CD33: variants seen among roughly 807,000 people sequenced by gnomAD.
The protein encoded by CD33 is myeloid cell surface antigen CD33.
CD33 carries 25 observed loss-of-function variants against 31.4 expected under a neutral mutation model. The observed-to-expected ratio is 0.80, with a 90% CI of 0.58 to 1.11. The LOEUF (loss-of-function observed/expected upper bound fraction) is 1.11, where lower values mean the gene tolerates loss of function less well. Ranked by LOEUF, CD33 falls within the 50% of genes most tolerant of loss-of-function variation. CD33 has a pLI of 0.00. For missense variants in CD33, 407 were observed against 448.1 expected, an observed-to-expected ratio of 0.91 and a Z score of 0.83; for synonymous variants, 176 against 180.6, an observed-to-expected ratio of 0.97 and a Z score of 0.20.
rs1330441424 is a variant in CD33 at position 51,235,598 on chromosome 19, G to A, written c.846G>A (p.Val282=). The change falls in exon 6 of 7, where the codon GTG becomes GTA. Residue 282 remains valine, a synonymous_variant. Coordinates refer to ENST00000262262, the MANE Select transcript of CD33 (RefSeq NM_001772.4). Reference sequence around the variant, plus strand: ...AGACCCTGGTGTCTCCCATCAGAGTGAAGACCCACAGGAGGAAAGCAGCCA... The same window carrying A: ...AGACCCTGGTGTCTCCCATCAGAGTAAAGACCCACAGGAGGAAAGCAGCCA... ...ALCLCLIFFI[V]KTHRRKAART... is the part of the protein sequence containing the mutation. 5 of 1,613,598 alleles carry A rather than the reference G, an allele frequency of 3.1e-6. No homozygotes were observed. Among genetic ancestry groups the A allele is most frequent in the Middle Eastern group, 3.3e-4 (2 of 6,060 alleles).
rs754271084 is a variant in CD33, at chr19:51,239,713, A to G, written c.*25A>G. Reference sequence around the variant, plus strand: ...AGGAACCCACAAGAGCATCAGGCTCAGCTAGAAGATCCACATCCTCTACAG... The same window carrying G: ...AGGAACCCACAAGAGCATCAGGCTCGGCTAGAAGATCCACATCCTCTACAG... On this transcript the variant is annotated 3_prime_UTR_variant, in exon 7 of 7. Transcript: ENST00000262262. 1 of 1,588,132 alleles carries G rather than the reference A, an allele frequency of 6.3e-7. No individual in the cohort carries two copies. Among genetic ancestry groups the G allele is most frequent in the Non-Finnish European group, 8.6e-7 (1 of 1,166,786 alleles).
the CD33 span, among the ~76,000 whole-genome samples, chr19:51,212,361 A>G: frequency 6.6e-6 from 1 of 152,088 alleles, no homozygotes; most frequent in Non-Finnish European, 1.5e-5. Context: ...CACAGGTAGG[A>G]TAGAAACTCC....
At chr19:51,211,966 C>T in the CD33 span, 22 of 1,235,516 alleles carry the variant, frequency 1.8e-5, no homozygotes, top group Middle Eastern at 1.9e-4. Context: ...TCAGTGCTCA[C>T]GATCATCCCA....
chr19:51,224,279 T>G (rs898766703), upstream of CD33, among the ~76,000 whole-genome samples: 3 of 152,204 alleles, frequency 2.0e-5, no homozygotes, highest in Non-Finnish European at 2.9e-5. Flanking sequence ...CCACTGAGTC[T>G]GCTTTTAGCT....
intron 4 of CD33, among the ~76,000 whole-genome samples, chr19:51,234,082 C>T (rs1181798507): frequency 3.3e-5 from 5 of 151,956 alleles, no homozygotes; most frequent in African/African-American, 1.2e-4. Flanking sequence ...TTTTGTTTCA[C>T]AGCAAAATTG....
At chr19:51,214,153 C>T in the CD33 span, among the ~76,000 whole-genome samples, 2 of 150,602 alleles carry the variant, frequency 1.3e-5, no homozygotes, top group East Asian at 1.9e-4. Context: ...AGCCACCATG[C>T]CTGGCCTCAT....
chr19:51,212,024 C>G, the CD33 span: 5 of 955,060 alleles, frequency 5.2e-6, no homozygotes, highest in Non-Finnish European at 8.2e-6. Context: ...TGACGTTCCC[C>G]GGAGCTGGTG....
At chr19:51,219,453 C>T in the CD33 span, among the ~76,000 whole-genome samples, 1 of 152,082 alleles carries the variant, frequency 6.6e-6, no homozygotes, top group Non-Finnish European at 1.5e-5. Flanking sequence ...ATTTAAGATC[C>T]TATCATCAGC....
chr19:51,232,299 A>G (rs768828210), intron 4 of CD33, among the ~76,000 whole-genome samples: 4 of 152,150 alleles, frequency 2.6e-5, no homozygotes, highest in Non-Finnish European at 5.9e-5. Flanking sequence ...GGATAATCCT[A>G]TATGTGACTA....
intron 4 of CD33, among the ~76,000 whole-genome samples, chr19:51,234,697 G>A (rs1245290994): frequency 6.6e-6 from 1 of 152,144 alleles, no homozygotes; most frequent in Non-Finnish European, 1.5e-5. Flanking sequence ...GAAGGTCTGA[G>A]AACCACCTCC....
chr19:51,220,903 A>G (rs540980430), upstream of CD33, among the ~76,000 whole-genome samples: 9 of 152,330 alleles, frequency 5.9e-5, no homozygotes, highest in Admixed American at 3.3e-4. Context: ...TAAGACAGCC[A>G]AAAGATAAGT....
intron 4 of CD33, among the ~76,000 whole-genome samples, chr19:51,231,529 T>C (rs1456383770): frequency 6.6e-6 from 1 of 152,124 alleles, no homozygotes; most frequent in African/African-American, 2.4e-5. Context: ...ATTTCATTGA[T>C]TGTTTTCTGA....
the CD33 span, among the ~76,000 whole-genome samples, chr19:51,213,473 A>G: frequency 6.6e-6 from 1 of 152,012 alleles, no homozygotes; most frequent in Non-Finnish European, 1.5e-5. Context: ...CAATTTCTCC[A>G]TATTCTTGCA....
At chr19:51,221,783 T>TG (rs1568429701), upstream of CD33, among the ~76,000 whole-genome samples, 1 of 151,946 alleles carries the variant, frequency 6.6e-6, no homozygotes, top group Admixed American at 6.6e-5. Context: ...GCATACAAAA[T>TG]GGGGGGTCCA....
intron 6 of CD33, chr19:51,236,316 G>C (rs1981802289): frequency 5.3e-6 from 1 of 188,510 alleles, no homozygotes; most frequent in South Asian, 1.1e-4. Flanking sequence ...GAAAAGAATG[G>C]GCAAGACAGG....
chr19:51,235,296 G>C, intron 5 of CD33, 43 bp downstream of exon 5: 1 of 1,556,358 alleles, frequency 6.4e-7, no homozygotes. Flanking sequence ...GAGGTGAAGA[G>C]GATGGACCTG....
At chr19:51,218,585 T>C in the CD33 span, among the ~76,000 whole-genome samples, 1 of 152,204 alleles carries the variant, frequency 6.6e-6, no homozygotes, top group Non-Finnish European at 1.5e-5. Flanking sequence ...AGATCTTAGT[T>C]GTGAATTCTT....
At chr19:51,223,253 A>T (rs535875550), upstream of CD33, among the ~76,000 whole-genome samples, 1 of 152,278 alleles carries the variant, frequency 6.6e-6, no homozygotes, top group South Asian at 2.1e-4. Flanking sequence ...TGAATTTTCT[A>T]TTACGTGCCA....
the CD33 span, chr19:51,211,996 C>T: frequency 9.1e-7 from 1 of 1,104,230 alleles, no homozygotes; most frequent in Middle Eastern, 2.1e-4. Context: ...GACCACGGCA[C>T]CAACCTCACC....
Sources: allele counts gnomAD v4.1 joint callset (sites outside exome capture counted in the v4.1 genomes callset), GRCh38; gene constraint gnomAD v4.1.1; transcripts MANE v1.5; gene names NCBI Gene and HGNC (gene_info 2026-07-23, HGNC 2026-07-21).